The following SOX5 variants were observed in gnomAD, a reference collection of about 807,000 sequenced individuals.
SOX5 encodes the protein SRY-box transcription factor 5, also known as transcription factor SOX-5.
A neutral mutation model predicts 92.0 loss-of-function variants in SOX5; 9 were observed. The observed-to-expected ratio is 0.10, with a 90% CI of 0.06 to 0.17. The LOEUF is 0.17. Ranked by LOEUF, SOX5 falls within the 10% of genes least tolerant of loss-of-function variation. SOX5 has a pLI of 1.00. For missense variants in SOX5, 642 were observed against 944.5 expected, an observed-to-expected ratio of 0.68 and a Z score of 4.20; for synonymous variants, 344 against 336.3, an observed-to-expected ratio of 1.02 and a Z score of -0.25.
intron 4 of SOX5, among the ~76,000 whole-genome samples, chr12:24,108,481 C>T (rs1047394382): frequency 1.3e-5 from 2 of 152,100 alleles, no homozygotes; most frequent in African/African-American, 4.8e-5. Flanking sequence ...ATTAGTCTAT[C>T]ACACACTACA....
At chr12:23,955,505 T>C (rs934296083), upstream of SOX5, among the ~76,000 whole-genome samples, 9 of 152,208 alleles carry the variant, frequency 5.9e-5, no homozygotes, top group East Asian at 5.8e-4. Context: ...CTGGTCCCCA[T>C]GTAACTCCTT....
chr12:23,846,219 T>C (rs1027858325), intron 2 of SOX5, 26 bp from the exon 3 acceptor site: 8 of 1,546,928 alleles, frequency 5.2e-6, no homozygotes, highest in South Asian at 1.1e-5. Context: ...AAATGACAAA[T>C]AATTGTTTAC....
intron 6 of SOX5, among the ~76,000 whole-genome samples, chr12:23,713,881 CAGG>C (rs1455401161): frequency 2.6e-5 from 4 of 151,220 alleles, no homozygotes; most frequent in Non-Finnish European, 5.9e-5. Context: ...CACTTGAAGT[CAGG>C]AGTTCAAGAC....
At chr12:24,477,624 G>A (rs1320102769) in intron 1 of SOX5, among the ~76,000 whole-genome samples, 1 of 152,062 alleles carries the variant, frequency 6.6e-6, no homozygotes, top group Non-Finnish European at 1.5e-5. Context: ...CATTTTCAGT[G>A]TAATTATAAG....
At chr12:24,201,016 A>G (rs113669504) in intron 4 of SOX5, among the ~76,000 whole-genome samples, 2 of 152,282 alleles carry the variant, frequency 1.3e-5, no homozygotes, top group East Asian at 1.9e-4. Context: ...TCAGGGAGGA[A>G]CTATCACAGA....
At chr12:24,271,936 C>T (rs1943798199) in intron 3 of SOX5, among the ~76,000 whole-genome samples, 1 of 151,928 alleles carries the variant, frequency 6.6e-6, no homozygotes, top group Non-Finnish European at 1.5e-5. Flanking sequence ...TATCTTTTGC[C>T]TTTCACATTT....
At chr12:24,248,825 A>C (rs555176492) in intron 3 of SOX5, among the ~76,000 whole-genome samples, 1 of 152,084 alleles carries the variant, frequency 6.6e-6, no homozygotes, top group South Asian at 2.1e-4. Context: ...TTACTTGTTT[A>C]TGTTTTTAAG....
chr12:24,390,372 A>G (rs1365601083), intron 1 of SOX5, among the ~76,000 whole-genome samples: 4 of 152,208 alleles, frequency 2.6e-5, no homozygotes, highest in Admixed American at 2.6e-4. Flanking sequence ...AAAATCAACC[A>G]GAATATTTTG....
intron 3 of SOX5, among the ~76,000 whole-genome samples, chr12:24,273,666 C>T (rs1451696954): frequency 5.9e-5 from 9 of 152,040 alleles, no homozygotes; most frequent in Admixed American, 2.0e-4. Flanking sequence ...CTTTGTTGTA[C>T]GACTGTTTTC....
At chr12:24,103,807 G>A (rs1569543074) in intron 4 of SOX5, among the ~76,000 whole-genome samples, 1 of 152,102 alleles carries the variant, frequency 6.6e-6, no homozygotes, top group Non-Finnish European at 1.5e-5. Context: ...GGGGTAAGGA[G>A]TACATGCAAG....
intron 1 of SOX5, among the ~76,000 whole-genome samples, chr12:24,518,550 T>C (rs1052677377): frequency 4.6e-5 from 7 of 152,122 alleles, no homozygotes; most frequent in African/African-American, 1.4e-4. Flanking sequence ...ATTTAGAATA[T>C]TGTCAGCTCA....
At chr12:24,033,044 G>A (rs545745027) in intron 4 of SOX5, among the ~76,000 whole-genome samples, 1 of 152,002 alleles carries the variant, frequency 6.6e-6, no homozygotes, top group East Asian at 1.9e-4. Flanking sequence ...TTGTGAGGAG[G>A]TCTACAGATT....
At chr12:24,023,464 A>G (rs191727532) in intron 4 of SOX5, among the ~76,000 whole-genome samples, 2 of 152,278 alleles carry the variant, frequency 1.3e-5, no homozygotes. Flanking sequence ...TTTAAGTCTT[A>G]CAGTGTCTGA....
chr12:23,720,824 A>C (rs1475861332), intron 6 of SOX5, among the ~76,000 whole-genome samples: 1 of 152,164 alleles, frequency 6.6e-6, no homozygotes, highest in Non-Finnish European at 1.5e-5. Context: ...TTTGTTTCAA[A>C]TTCCAGATAA....
chr12:23,730,358 C>T (rs2093346241), intron 6 of SOX5, among the ~76,000 whole-genome samples: 1 of 152,090 alleles, frequency 6.6e-6, no homozygotes, highest in South Asian at 2.1e-4. Context: ...AGTCAATAAA[C>T]ACAAATATTA....
At position 23,913,464 on chromosome 12, in the gene SOX5, A is replaced by C. The variant is rs1268021835; in HGVS notation, c.39-17440T>G. 5.3e-5 allele frequency among the ~76,000 whole-genome samples: 8 copies of C among 152,184 alleles called. No individual in the cohort carries two copies. The East Asian group carries it at 1.5e-3, about 29-fold the overall frequency. ...AAACAAAGCACTGAATAGGCCAGGC[A>C]CAGTGGCTCATGCCTGTAATCCCAG... On this transcript the variant is annotated intron_variant, in intron 1 of 14. Coordinates refer to ENST00000451604, the MANE Select transcript of SOX5 (RefSeq NM_006940.6).
At position 23,929,475 on chromosome 12, in the gene SOX5, T is replaced by A. The variant is rs548535355; in HGVS notation, c.38+20089A>T. ...GGGTCTCCTAAGTATGAGTCAAAGTTCACACATCATGGGGCTAGCATTTAT... is the reference window on the plus strand; with the variant it reads ...GGGTCTCCTAAGTATGAGTCAAAGTACACACATCATGGGGCTAGCATTTAT... On this transcript the variant is annotated intron_variant, in intron 1 of 14. Transcript: ENST00000451604. 4.6e-5 allele frequency among the ~76,000 whole-genome samples: 7 copies of A among 151,964 alleles called. No homozygotes were observed. In the South Asian group the frequency reaches 1.5e-3, roughly 32 times the overall value.
intron 6 of SOX5, among the ~76,000 whole-genome samples, chr12:23,667,800 A>G (rs1458303300): frequency 6.6e-6 from 1 of 152,208 alleles, no homozygotes; most frequent in Non-Finnish European, 1.5e-5. Flanking sequence ...AACAGACTGT[A>G]GAGTACTGTA....
chr12:23,587,469 A>C (rs1950911420), intron 9 of SOX5, among the ~76,000 whole-genome samples: 1 of 152,096 alleles, frequency 6.6e-6, no homozygotes, highest in African/African-American at 2.4e-5. Context: ...AATAATCATT[A>C]AAAAATAATT....
Sources: allele counts gnomAD v4.1 joint callset (sites outside exome capture counted in the v4.1 genomes callset), GRCh38; gene constraint gnomAD v4.1.1; transcripts MANE v1.5; gene names NCBI Gene and HGNC (gene_info 2026-07-23, HGNC 2026-07-21).